Variants in MSN observed in about 807,000 individuals in gnomAD.
MSN encodes the protein moesin.
MSN carries 2 observed loss-of-function variants against 48.0 expected under a neutral mutation model. That is an observed-to-expected ratio of 0.04 (90% CI 0.02 to 0.13). MSN has a LOEUF of 0.13. Among genes scored for constraint, MSN ranks in the 10% least tolerant of loss-of-function variants. The probability of loss-of-function intolerance (pLI) is 1.00; values close to 1 mark genes in which losing one functional copy is unlikely to be tolerated. For synonymous variants in MSN, 146 were observed against 166.9 expected (o/e 0.87, Z 0.97); for missense variants, 267 against 470.1 (o/e 0.57, Z 3.99).
intron 1 of MSN, among the ~76,000 whole-genome samples, chrX:65,705,161 C>G (rs1193851779): frequency 1.8e-5 from 2 of 111,296 alleles, no homozygotes; most frequent in Non-Finnish European, 3.8e-5. Context: ...ACCTCAGTTT[C>G]CCCAGCTGTA....
upstream of MSN, among the ~76,000 whole-genome samples, chrX:65,663,717 A>G (rs1045135414): frequency 9.0e-6 from 1 of 111,413 alleles, no homozygotes; most frequent in Non-Finnish European, 1.9e-5. Flanking sequence ...GTAGGTGCCC[A>G]TGATCAATGG....
chrX:65,740,310 G>A lies in MSN; in HGVS notation c.*417G>A. On this transcript the variant is annotated 3_prime_UTR_variant, in exon 13 of 13. Transcript: ENST00000360270. The stretch of plus-strand genomic sequence containing the variant: ...TCAGGGTCCTGAGATTTACACGGTT[G>A]GAGTGTTATGCGGTCTAGGGAATGA... 5.4e-6 allele frequency: 1 copy of A among 185,911 alleles called. No homozygotes were observed. 15.3% of individuals were successfully genotyped at this position (185,911 alleles called of 1,213,427 possible). A position where few individuals can be genotyped will look rare whatever the true frequency, so the allele number is the denominator to read the frequency against.
chrX:65,648,655 G>A (rs1249050808), intron 1 of MSN, among the ~76,000 whole-genome samples: 2 of 111,198 alleles, frequency 1.8e-5, no homozygotes, highest in East Asian at 2.8e-4. Flanking sequence ...GGTGGATCAC[G>A]AGGTCAGAAG....
At chrX:65,689,179 T>G (rs1200620243) in intron 1 of MSN, among the ~76,000 whole-genome samples, 2 of 111,672 alleles carry the variant, frequency 1.8e-5, no homozygotes, top group Admixed American at 1.9e-4. Flanking sequence ...CCACAAGAGG[T>G]TGGTTTGGCT....
rs1024266849 is a variant in MSN, at chrX:65,727,864, C to T, written c.147C>T (p.Tyr49=). 2 of 1,209,060 alleles carry T rather than the reference C, an allele frequency of 1.7e-6. No homozygotes were observed. Among genetic ancestry groups the T allele is most frequent in the South Asian group, 1.8e-5 (1 of 56,721 alleles). The change falls in exon 3 of 13, where the codon TAC becomes TAT. Residue 49 remains tyrosine, a synonymous_variant. Transcript: ENST00000360270. ...LREVWFFGLQ[Y]QDTKGFSTWL... is the part of the protein sequence containing the mutation. Reference sequence around the variant, plus strand: ...AAGTTTGGTTCTTTGGTCTGCAGTACCAGGACACTAAAGGTTTCTCCACCT... The same window carrying T: ...AAGTTTGGTTCTTTGGTCTGCAGTATCAGGACACTAAAGGTTTCTCCACCT...
At position 65,627,828 on chromosome X, in the gene MSN, A is replaced by G. The variant is rs1004181842; in HGVS notation, c.-22+39216A>G. Among the ~76,000 whole-genome samples, 3 of 112,205 alleles carry G rather than the reference A, an allele frequency of 2.7e-5. No individual in the cohort carries two copies. In the Admixed American group the frequency reaches 2.8e-4, roughly 11 times the overall value. On this transcript the variant is annotated intron_variant, in intron 1 of 3. Coordinates refer to the MSN transcript ENST00000609672. ...AAGCCTGTACAATCAAAGGCAAGCT[A>G]GTTACTTCTTAGATACAATGGTAGT...
intron 1 of MSN, among the ~76,000 whole-genome samples, chrX:65,714,662 G>GT (rs1177595932): frequency 4.5e-5 from 5 of 110,671 alleles, no homozygotes; most frequent in African/African-American, 6.6e-5. Context: ...TAATGGGGTT[G>GT]TTTTTTTTCT....
upstream of MSN, among the ~76,000 whole-genome samples, chrX:65,666,726 G>A (rs915774838): frequency 9.0e-6 from 1 of 111,253 alleles, no homozygotes; most frequent in Non-Finnish European, 1.9e-5. Flanking sequence ...CTCTCAAAGT[G>A]TTAAGATTAC....
At chrX:65,620,935 G>T (rs1318055446) in intron 1 of MSN, among the ~76,000 whole-genome samples, 1 of 104,841 alleles carries the variant, frequency 9.5e-6, no homozygotes, top group African/African-American at 3.5e-5. Context: ...CTCTGTTGTT[G>T]TTGTTTTTGA....
intron 1 of MSN, among the ~76,000 whole-genome samples, chrX:65,617,101 C>T (rs1482152788): frequency 1.1e-4 from 12 of 106,549 alleles, no homozygotes; most frequent in African/African-American, 3.8e-4. Context: ...CTGCTGGATT[C>T]GGTTTGCCAG....
rs767686320 is a variant in MSN, at chrX:65,736,916, G to A, written c.1081G>A (p.Ala361Thr). ...LKQIEEQTKK[A>T]QQELEEQTRR... is the part of the protein sequence containing the mutation. ...GCAGATCGAGGAACAGACTAAGAAGGCTCAGCAAGGTGAGGCTTGGAGTCA... is the reference window on the plus strand; with the variant it reads ...GCAGATCGAGGAACAGACTAAGAAGACTCAGCAAGGTGAGGCTTGGAGTCA... The change falls in exon 9 of 13, where the codon GCT (alanine) becomes ACT (threonine). Residue 361 changes from alanine (A) to threonine (T), a missense_variant. Physicochemically the swap from Ala to Thr is moderately conservative, Grantham distance 58 (BLOSUM62 0). Transcript: ENST00000360270. The A allele has an allele frequency of 8.3e-7, 1 of 1,208,334 alleles. No individual in the cohort carries two copies. Among genetic ancestry groups the A allele is most frequent in the South Asian group, 1.8e-5 (1 of 56,078 alleles).
chrX:65,597,026 C>G (rs1033526822), intron 1 of MSN, among the ~76,000 whole-genome samples: 1 of 111,434 alleles, frequency 9.0e-6, no homozygotes, highest in Non-Finnish European at 1.9e-5. Context: ...ATAACTCCAA[C>G]AGTGCTTTAT....
intron 1 of MSN, among the ~76,000 whole-genome samples, chrX:65,658,236 A>G (rs2070796023): frequency 8.9e-6 from 1 of 111,765 alleles, no homozygotes; most frequent in Admixed American, 9.6e-5. Flanking sequence ...AATAAGCTAA[A>G]GAATAGTTTA....
intron 1 of MSN, among the ~76,000 whole-genome samples, chrX:65,608,935 GACAGAGC>G (rs2070298957): frequency 9.0e-6 from 1 of 111,100 alleles, no homozygotes; most frequent in African/African-American, 3.3e-5. Context: ...CAACACCTGA[GACAGAGC>G]TCATTAAATG....
At chrX:65,644,421 G>T (rs1458275089) in intron 1 of MSN, among the ~76,000 whole-genome samples, 1 of 111,641 alleles carries the variant, frequency 9.0e-6, no homozygotes, top group Admixed American at 9.6e-5. Context: ...TTTATTAGTG[G>T]CAGAGCTGGG....
intron 1 of MSN, among the ~76,000 whole-genome samples, chrX:65,623,639 C>T (rs1462622537): frequency 1.8e-5 from 2 of 108,859 alleles, no homozygotes; most frequent in Admixed American, 9.8e-5. Flanking sequence ...GGTGAAACCC[C>T]GTCTCTACTA....
intron 1 of MSN, among the ~76,000 whole-genome samples, chrX:65,643,904 G>T (rs1046938260): frequency 1.8e-5 from 2 of 111,566 alleles, no homozygotes; most frequent in African/African-American, 3.3e-5. Context: ...GTTTTGAAAC[G>T]GAAAGTTCTG....
At chrX:65,716,133 A>C (rs1266432253) in intron 1 of MSN, among the ~76,000 whole-genome samples, 1 of 111,925 alleles carries the variant, frequency 8.9e-6, no homozygotes, top group Non-Finnish European at 1.9e-5. Flanking sequence ...GCAATTGTTT[A>C]CCAGTGCTAT....
In MSN at chrX:65,735,542, A is replaced by G. The variant is rs965255977; in HGVS notation, c.959+112A>G. ...GCCAACCTAGGACTTCATAGATGAG[A>G]GGTTAGACACCAATATTCACATTTA... On this transcript the variant is annotated intron_variant, in intron 8 of 12. Transcript: ENST00000360270. 4 of 834,831 alleles carry G rather than the reference A, an allele frequency of 4.8e-6. No homozygotes were observed. The African/African-American group carries it at 8.3e-5, about 17-fold the overall frequency. 68.8% of individuals were successfully genotyped at this position (834,831 alleles called of 1,213,427 possible).
Sources: allele counts gnomAD v4.1 joint callset (sites outside exome capture counted in the v4.1 genomes callset), GRCh38; gene constraint gnomAD v4.1.1; transcripts MANE v1.5; gene names NCBI Gene and HGNC (gene_info 2026-07-23, HGNC 2026-07-21).